Variants in BCORL1 observed in about 807,000 individuals in gnomAD.
BCORL1 encodes the protein BCL-6 corepressor-like protein 1.
A neutral mutation model predicts 87.6 loss-of-function variants in BCORL1; 7 were observed. That is an observed-to-expected ratio of 0.08 (90% CI 0.05 to 0.15). The LOEUF is 0.15. Ranked by LOEUF, BCORL1 falls within the 10% of genes least tolerant of loss-of-function variation. The pLI, the probability that BCORL1 is intolerant of heterozygous loss-of-function variation, is 1.00. For synonymous variants in BCORL1, 591 were observed against 634.4 expected (o/e 0.93, Z 1.03); for missense variants, 1,215 against 1,499.7 (o/e 0.81, Z 3.13).
Position 130,013,884 on chromosome X carries a change from C to A in BCORL1, c.1112C>A (p.Thr371Asn). ...TCTTCCGGCCCACCTTCTACCCCCA[C>A]CCTCATCCCCGCCTTTGCTCCTACA... ...TPSSGPPSTP[T>N]LIPAFAPTPV... Residue 371 changes from threonine to asparagine, a missense_variant, in exon 4 of 14, where the codon ACC (threonine) becomes AAC (asparagine). This residue lies in a region of BCORL1 where 861 missense variants were observed against 1,010.0 expected (regional missense o/e 0.85). Transcript: ENST00000540052. The A allele has an allele frequency of 1.7e-6, 2 of 1,164,587 alleles. No homozygotes were observed. The highest frequency in any genetic ancestry group is 1.9e-5 in the South Asian group (1 of 52,496).
intron 11 of BCORL1, among the ~76,000 whole-genome samples, chrX:130,050,196 C>T (rs1396292598): frequency 9.1e-6 from 1 of 110,408 alleles, no homozygotes; most frequent in East Asian, 2.8e-4. Flanking sequence ...CTTTGGGAGG[C>T]CGAGGTGGGA....
At chrX:130,018,572 G>A (rs766807497) in intron 4 of BCORL1, among the ~76,000 whole-genome samples, 1 of 112,514 alleles carries the variant, frequency 8.9e-6, no homozygotes, top group South Asian at 3.7e-4. Context: ...TAGGTGTTCA[G>A]TTAGTGTTAG....
At chrX:130,016,511 C>T (rs911598888) in intron 4 of BCORL1, among the ~76,000 whole-genome samples, 2 of 111,672 alleles carry the variant, frequency 1.8e-5, no homozygotes, top group Non-Finnish European at 3.8e-5. Flanking sequence ...GATCGGAAAG[C>T]GGAAGAAGGT....
Position 130,056,397 on chromosome X carries a change from G to C in BCORL1, c.*261G>C, listed in dbSNP as rs1932392348. 1 of 288,012 alleles carries C rather than the reference G, an allele frequency of 3.5e-6. No homozygotes were observed. Among genetic ancestry groups the C allele is most frequent in the Non-Finnish European group, 6.0e-6 (1 of 167,532 alleles). The allele number at this position is 288,012 out of a possible 1,213,427, so 23.7% of individuals were successfully genotyped here. Reference sequence around the variant, plus strand: ...TTGAACTCCATGTCTGAGGACAAGAGGTCCCGGGGGTGGTGGGAGGTGGCG... The same window carrying C: ...TTGAACTCCATGTCTGAGGACAAGACGTCCCGGGGGTGGTGGGAGGTGGCG... On this transcript the variant is annotated 3_prime_UTR_variant, in exon 14 of 14. Coordinates refer to ENST00000540052, the MANE Select transcript of BCORL1 (RefSeq NM_001379451.1).
chrX:130,040,591 C>T (rs1459613922), intron 11 of BCORL1, among the ~76,000 whole-genome samples: 2 of 112,354 alleles, frequency 1.8e-5, no homozygotes, highest in African/African-American at 3.2e-5. Flanking sequence ...TTTTCCCTCC[C>T]TCCAGCTCTG....
intron 13 of BCORL1, among the ~76,000 whole-genome samples, chrX:130,054,558 A>G (rs1203265521): frequency 1.8e-5 from 2 of 110,394 alleles, no homozygotes; most frequent in Non-Finnish European, 3.8e-5. Flanking sequence ...TGAGAGAGAG[A>G]CAGAGAAAGA....
chrX:130,010,913 G>T (rs1242430320), intron 2 of BCORL1, among the ~76,000 whole-genome samples: 2 of 97,113 alleles, frequency 2.1e-5, no homozygotes, highest in Non-Finnish European at 4.0e-5. Context: ...CAGGAGAATT[G>T]CCTGATTCCA....
chrX:130,056,206 C>T lies in BCORL1; in HGVS notation c.*70C>T, dbSNP rs1424172835. ...CTTCCCCCACCTCCTTGTCTTTCCC[C>T]GACCGAGCACCAGACTGCAGAATGA... is the stretch of plus-strand genomic sequence containing the variant. On this transcript the variant is annotated 3_prime_UTR_variant, in exon 14 of 14. Coordinates refer to ENST00000540052, the MANE Select transcript of BCORL1 (RefSeq NM_001379451.1). The T allele has an allele frequency of 2.9e-6, 3 of 1,028,913 alleles. No individual in the cohort carries two copies. The highest frequency in any genetic ancestry group is 3.8e-5 in the Admixed American group (1 of 26,162). 84.8% of individuals were successfully genotyped at this position (1,028,913 alleles called of 1,213,427 possible).
intron 1 of BCORL1, among the ~76,000 whole-genome samples, chrX:129,985,656 A>G (rs910519356): frequency 1.8e-5 from 2 of 111,013 alleles, no homozygotes; most frequent in African/African-American, 6.6e-5. Flanking sequence ...AGTAGAGTTT[A>G]GGGATGTGGC....
Position 130,014,820 on chromosome X carries a change from C to A in BCORL1, c.2048C>A (p.Thr683Asn). 8.3e-7 allele frequency: 1 copy of A among 1,211,542 alleles called. No individual in the cohort carries two copies. The highest frequency in any genetic ancestry group is 1.1e-6 in the Non-Finnish European group (1 of 895,442). Residue 683 changes from threonine (T) to asparagine (N), a missense_variant, in exon 4 of 14, where the codon ACT (threonine) becomes AAT (asparagine). Thr to Asn is a moderately conservative substitution (Grantham distance 65). Coordinates refer to ENST00000540052, the MANE Select transcript of BCORL1 (RefSeq NM_001379451.1). Reference protein sequence around the residue: ...GGNVTSCLGSTSSPFVIFPEI... With the variant: ...GGNVTSCLGSNSSPFVIFPEI... ...AATGTCACCTCCTGCCTGGGCTCCA[C>A]TTCCTCGCCCTTTGTCATCTTTCCC...
chrX:130,024,792 G>GT (rs1165300279), intron 6 of BCORL1, among the ~76,000 whole-genome samples, 198 bp from the exon 7 acceptor site: 1 of 111,775 alleles, frequency 8.9e-6, no homozygotes, highest in Non-Finnish European at 1.9e-5. Context: ...TGTGAGGTCA[G>GT]TAAGGGGAGA....
chrX:129,980,629 A>C (rs1378289831), upstream of BCORL1, among the ~76,000 whole-genome samples: 8 of 111,688 alleles, frequency 7.2e-5, no homozygotes, highest in Non-Finnish European at 1.5e-4. Context: ...GGGCCAGGCC[A>C]GCACCCAGGC....
At chrX:129,986,419 C>T (rs772292726) in intron 1 of BCORL1, among the ~76,000 whole-genome samples, 10 of 111,554 alleles carry the variant, frequency 9.0e-5, no homozygotes, top group African/African-American at 3.3e-4. Context: ...GCCAGGAAAG[C>T]GTAGATAAAG....
At position 130,057,615 on chromosome X, in the gene BCORL1, A is replaced by C. The variant is rs185554428; in HGVS notation, c.*1479A>C. The C allele has an allele frequency of 9.0e-6, 1 of 111,560 alleles. No individual in the cohort carries two copies. Among genetic ancestry groups the C allele is most frequent in the Admixed American group, 9.6e-5 (1 of 10,441 alleles). 9.2% of individuals were successfully genotyped at this position (111,560 alleles called of 1,213,427 possible). A position where few individuals can be genotyped will look rare whatever the true frequency, so the allele number is the denominator to read the frequency against. ...ACAGGTGCTAAAACAACAACAACAA[A>C]AAAGAAAATGGAAAAAAAAAAGATT... On this transcript the variant is annotated 3_prime_UTR_variant, in exon 14 of 14. Coordinates refer to ENST00000540052, the MANE Select transcript of BCORL1 (RefSeq NM_001379451.1).
At chrX:129,990,760 C>T (rs1691236874) in intron 1 of BCORL1, among the ~76,000 whole-genome samples, 2 of 111,083 alleles carry the variant, frequency 1.8e-5, no homozygotes, top group African/African-American at 3.3e-5. Context: ...GTGGAAGTGG[C>T]GGCTTCTTTA....
chrX:130,049,815 T>C (rs1931968621), intron 11 of BCORL1, among the ~76,000 whole-genome samples: 2 of 112,447 alleles, frequency 1.8e-5, no homozygotes, highest in South Asian at 7.3e-4. Context: ...TTACTATACA[T>C]TGGAGAGATT....
intron 4 of BCORL1, among the ~76,000 whole-genome samples, chrX:130,016,879 G>A (rs1458634568): frequency 9.0e-6 from 1 of 111,661 alleles, no homozygotes; most frequent in Non-Finnish European, 1.9e-5. Flanking sequence ...GGTGGGCCAG[G>A]AGCACTTGAT....
chrX:130,005,769 C>A (rs1412069768), intron 2 of BCORL1, among the ~76,000 whole-genome samples: 1 of 105,169 alleles, frequency 9.5e-6, no homozygotes, highest in East Asian at 2.8e-4. Context: ...GCAAGCAACA[C>A]CACGCCCGGC....
At chrX:130,001,864 G>C (rs1303333721) in intron 1 of BCORL1, among the ~76,000 whole-genome samples, 3 of 110,212 alleles carry the variant, frequency 2.7e-5, no homozygotes, top group Non-Finnish European at 5.7e-5. Context: ...AGGAGGGAAG[G>C]AGTGACATGA....
Sources: gnomAD v4.1 joint callset for allele counts (sites outside exome capture counted in the v4.1 genomes callset) on GRCh38, gnomAD v4.1.1 for gene constraint, gnomAD v4.1.1 regional missense constraint, MANE v1.5 for transcripts, NCBI Gene and HGNC (gene_info 2026-07-23, HGNC 2026-07-21) for gene names.